Variants in GNAL observed in about 807,000 individuals in gnomAD.
GNAL encodes guanine nucleotide-binding protein G(olf) subunit alpha.
A neutral mutation model predicts 55.1 loss-of-function variants in GNAL; 18 were observed. That is an observed-to-expected ratio of 0.33 (90% confidence interval 0.23 to 0.48). GNAL has a LOEUF of 0.48. GNAL is among the 20% of genes least tolerant of loss of function. The pLI is 0.99. For missense variants in GNAL, 412 were observed against 614.1 expected, an observed-to-expected ratio of 0.67 and a Z score of 3.48; for synonymous variants, 253 against 237.0, an observed-to-expected ratio of 1.07 and a Z score of -0.62.
chr18:11,744,864 C>T (rs1271649567), intron 1 of GNAL, among the ~76,000 whole-genome samples: 1 of 152,212 alleles, frequency 6.6e-6, no homozygotes, highest in Non-Finnish European at 1.5e-5. Context: ...GTGCATCCCA[C>T]CATGCCCGGT....
chr18:11,812,939 A>G (rs1303846348), intron 4 of GNAL, among the ~76,000 whole-genome samples: 1 of 152,072 alleles, frequency 6.6e-6, no homozygotes, highest in Non-Finnish European at 1.5e-5. Context: ...AAAACTACAA[A>G]ACATTATTGA....
intron 5 of GNAL, among the ~76,000 whole-genome samples, chr18:11,843,476 G>T (rs2035662697): frequency 1.3e-5 from 2 of 151,910 alleles, no homozygotes; most frequent in African/African-American, 4.8e-5. Flanking sequence ...AGTGAGCTGA[G>T]ATCGCACCAC....
chr18:11,780,021 C>T (rs1372551741), intron 4 of GNAL, among the ~76,000 whole-genome samples: 1 of 152,200 alleles, frequency 6.6e-6, no homozygotes, highest in Non-Finnish European at 1.5e-5. Context: ...TATACCATTG[C>T]AACATGCATC....
chr18:11,759,796 A>G (rs374872293), intron 4 of GNAL, among the ~76,000 whole-genome samples: 57 of 152,262 alleles, frequency 3.7e-4, no homozygotes, highest in African/African-American at 1.3e-3. Flanking sequence ...CAGAATCTCC[A>G]GAATGCGGTC....
intron 1 of GNAL, among the ~76,000 whole-genome samples, chr18:11,734,999 C>T (rs1220092960): frequency 6.8e-6 from 1 of 147,912 alleles, no homozygotes; most frequent in Non-Finnish European, 1.5e-5. Flanking sequence ...AGGGAAAACG[C>T]CAGGCCGACG....
At position 11,757,902 on chromosome 18, in the gene GNAL, G is replaced by A. The variant is rs111260379; in HGVS notation, c.624+3957G>A. On this transcript the variant is annotated intron_variant, in intron 4 of 11. Coordinates refer to ENST00000334049, the MANE Select transcript of GNAL (RefSeq NM_182978.4). ...CACCGGTGACCTTGATAAGGACCCA[G>A]GTGGAGGGTATTGAGGAGAGAATGT... 7.1e-3 allele frequency among the ~76,000 whole-genome samples: 1,085 copies of A among 152,178 alleles called. 15 individuals are homozygous for A. Among genetic ancestry groups the A allele is most frequent in the African/African-American group, 0.024 (1,016 of 41,520 alleles).
chr18:11,843,962 A>C (rs1282543871), intron 5 of GNAL, among the ~76,000 whole-genome samples: 2 of 152,032 alleles, frequency 1.3e-5, no homozygotes, highest in Non-Finnish European at 2.9e-5. Flanking sequence ...AACGGGAGTG[A>C]AACTCCATCT....
chr18:11,851,285 G>A (rs1045261924), intron 5 of GNAL: 3 of 510,330 alleles, frequency 5.9e-6, no homozygotes, highest in Non-Finnish European at 1.0e-5. Context: ...CCCCCTGCAT[G>A]CGCAGCCCCT....
intron 1 of GNAL, among the ~76,000 whole-genome samples, chr18:11,695,510 T>C (rs1484769750): frequency 1.3e-5 from 2 of 152,354 alleles, no homozygotes; most frequent in East Asian, 3.9e-4. Context: ...TTCACCATTC[T>C]TCAGGTGAAT....
chr18:11,806,570 A>G (rs1016481760), intron 4 of GNAL, among the ~76,000 whole-genome samples: 4 of 152,140 alleles, frequency 2.6e-5, no homozygotes, highest in Non-Finnish European at 5.9e-5. Flanking sequence ...ATTAGAGGAA[A>G]AAGAATTCGA....
chr18:11,806,050 T>C (rs2034650863), intron 4 of GNAL, among the ~76,000 whole-genome samples: 2 of 152,236 alleles, frequency 1.3e-5, no homozygotes, highest in South Asian at 4.1e-4. Flanking sequence ...CTGACTGCTA[T>C]AAGATGATAT....
chr18:11,843,503 C>T (rs111560382), intron 5 of GNAL, among the ~76,000 whole-genome samples: 2,305 of 149,674 alleles, frequency 0.015, 54 homozygotes, highest in African/African-American at 0.054. Flanking sequence ...CCAGCCTGGG[C>T]GACAGAGCAA....
chr18:11,799,560 A>G (rs113952881), intron 4 of GNAL, among the ~76,000 whole-genome samples: 16 of 152,248 alleles, frequency 1.1e-4, no homozygotes, highest in African/African-American at 3.4e-4. Context: ...CAGAAATCCA[A>G]CATTCAAAAG....
chr18:11,866,411 G>A (rs540974441), intron 7 of GNAL, among the ~76,000 whole-genome samples: 2 of 150,498 alleles, frequency 1.3e-5, no homozygotes, highest in Non-Finnish European at 2.9e-5. Flanking sequence ...AGGCAGGGAA[G>A]CCTGCGAAGG....
At chr18:11,832,830 A>G (rs1043783431) in intron 5 of GNAL, among the ~76,000 whole-genome samples, 1 of 152,106 alleles carries the variant, frequency 6.6e-6, no homozygotes, top group African/African-American at 2.4e-5. Context: ...ATTGCACTCC[A>G]GTCTGGGTGA....
intron 4 of GNAL, among the ~76,000 whole-genome samples, chr18:11,786,526 G>A (rs750349703): frequency 3.3e-5 from 4 of 119,982 alleles, no homozygotes; most frequent in Non-Finnish European, 6.4e-5. Context: ...TCAGCTCACT[G>A]CAAGCTCTGC....
chr18:11,743,389 A>G (rs577914554), intron 1 of GNAL, among the ~76,000 whole-genome samples: 26 of 152,214 alleles, frequency 1.7e-4, no homozygotes, highest in African/African-American at 5.3e-4. Flanking sequence ...TTTTGCTCCA[A>G]ATCAAGGGAC....
At chr18:11,719,638 G>T (rs1298117690) in intron 1 of GNAL, among the ~76,000 whole-genome samples, 1 of 152,188 alleles carries the variant, frequency 6.6e-6, no homozygotes, top group African/African-American at 2.4e-5. Context: ...ATGTGTAGTT[G>T]GGTTGTAGCT....
At chr18:11,766,311 G>C (rs2033404885) in intron 4 of GNAL, among the ~76,000 whole-genome samples, 1 of 152,076 alleles carries the variant, frequency 6.6e-6, no homozygotes, top group African/African-American at 2.4e-5. Context: ...CATCTTCATG[G>C]CATAAATGGA....
Sources: gnomAD v4.1 joint callset for allele counts (sites outside exome capture counted in the v4.1 genomes callset) on GRCh38, gnomAD v4.1.1 for gene constraint, MANE v1.5 for transcripts, NCBI Gene and HGNC (gene_info 2026-07-23, HGNC 2026-07-21) for gene names.